NAF1: variants seen among roughly 807,000 people sequenced by gnomAD.
NAF1 encodes H/ACA ribonucleoprotein complex non-core subunit NAF1.
NAF1 carries 11 observed loss-of-function variants against 40.6 expected under a neutral mutation model. That is an observed-to-expected ratio of 0.27 (90% CI 0.17 to 0.45). The LOEUF (loss-of-function observed/expected upper bound fraction) is 0.45, where lower values mean the gene tolerates loss of function less well. Among genes scored for constraint, NAF1 ranks in the 20% least tolerant of loss-of-function variants. The probability of loss-of-function intolerance (pLI) is 1.00; values close to 1 mark genes in which losing one functional copy is unlikely to be tolerated. For missense variants in NAF1, 607 were observed against 611.1 expected (o/e 0.99, Z 0.07); for synonymous variants, 260 against 228.5 (o/e 1.14, Z -1.24).
intron 2 of NAF1, among the ~76,000 whole-genome samples, chr4:163,114,899 T>C (rs1270063050): frequency 6.6e-6 from 1 of 152,176 alleles, no homozygotes; most frequent in Non-Finnish European, 1.5e-5. Context: ...TTCTACTTAA[T>C]AGAGGACTAC....
chr4:163,153,044 C>A (rs1371992503), intron 2 of NAF1, among the ~76,000 whole-genome samples: 1 of 152,224 alleles, frequency 6.6e-6, no homozygotes, highest in Non-Finnish European at 1.5e-5. Context: ...CCCAGCAGCA[C>A]TGCGCTCGAT....
intron 4 of NAF1, 53 bp from the exon 5 acceptor site, chr4:163,140,436 A>T: frequency 6.8e-7 from 1 of 1,479,564 alleles, no homozygotes; most frequent in South Asian, 1.3e-5. Flanking sequence ...CTATTTGAAA[A>T]GTCAGCAGTG....
At chr4:163,163,717 TC>T (rs1341626217) in intron 2 of NAF1, among the ~76,000 whole-genome samples, 3 of 151,960 alleles carry the variant, frequency 2.0e-5, no homozygotes, top group Non-Finnish European at 2.9e-5. Flanking sequence ...ATAAAAACAC[TC>T]CAAAAACTTC....
chr4:163,146,293 GA>G (rs1731467329), intron 3 of NAF1, among the ~76,000 whole-genome samples: 1 of 152,132 alleles, frequency 6.6e-6, no homozygotes, highest in South Asian at 2.1e-4. Flanking sequence ...ACTGGTATAT[GA>G]AAAAGTTAAA....
downstream of NAF1, among the ~76,000 whole-genome samples, chr4:163,123,443 G>A (rs1730569083): frequency 6.6e-6 from 1 of 152,202 alleles, no homozygotes; most frequent in African/African-American, 2.4e-5. Flanking sequence ...TTACCATGGT[G>A]TGATCATAGC....
chr4:163,113,360 T>C (rs912985395), intron 2 of NAF1, among the ~76,000 whole-genome samples: 1 of 151,050 alleles, frequency 6.6e-6, no homozygotes, highest in Non-Finnish European at 1.5e-5. Context: ...CTAACATCTA[T>C]GGTAATCCCT....
At position 163,145,681 on chromosome 4, in the gene NAF1, T is replaced by C; in HGVS notation, c.717+101A>G. On this transcript the variant is annotated intron_variant, in intron 4 of 7. Coordinates refer to ENST00000274054, the MANE Select transcript of NAF1 (RefSeq NM_138386.3). ...AAATTAGAGAGCTCTAGATTGTCCA[T>C]CAATTAAAATAAATAAACTCTTCTG... The C allele has an allele frequency of 9.5e-6, 7 of 735,188 alleles. No homozygotes were observed. The South Asian group carries it at 1.0e-4, about 11-fold the overall frequency. The allele number at this position is 735,188 out of a possible 1,614,324, so 45.5% of individuals were successfully genotyped here.
intron 2 of NAF1, among the ~76,000 whole-genome samples, chr4:163,153,495 C>G (rs1044327748): frequency 6.7e-6 from 1 of 149,740 alleles, no homozygotes; most frequent in Non-Finnish European, 1.5e-5. Context: ...ATACACCAAT[C>G]GGCACTCTGT....
At chr4:163,125,974 G>T (rs1730642406), downstream of NAF1, among the ~76,000 whole-genome samples, 1 of 151,668 alleles carries the variant, frequency 6.6e-6, no homozygotes, top group African/African-American at 2.4e-5. Context: ...ACTATGCCTG[G>T]ATGACAGCAC....
downstream of NAF1, among the ~76,000 whole-genome samples, chr4:163,107,156 T>G (rs1315705857): frequency 6.6e-6 from 1 of 152,162 alleles, no homozygotes; most frequent in Non-Finnish European, 1.5e-5. Context: ...CTGGCTAATT[T>G]TTGTACTTTT....
chr4:163,155,482 T>C (rs1731950032), intron 2 of NAF1, among the ~76,000 whole-genome samples: 1 of 152,120 alleles, frequency 6.6e-6, no homozygotes, highest in African/African-American at 2.4e-5. Context: ...AGAAATCAGA[T>C]AATGAAAATA....
intron 7 of NAF1, among the ~76,000 whole-genome samples, chr4:163,131,641 G>A (rs1730878595): frequency 6.6e-6 from 1 of 152,028 alleles, no homozygotes; most frequent in Non-Finnish European, 1.5e-5. Context: ...AACTTTTAGG[G>A]AAAAAATAGA....
At chr4:163,106,259 T>A (rs2110778762), downstream of NAF1, among the ~76,000 whole-genome samples, 1 of 152,340 alleles carries the variant, frequency 6.6e-6, no homozygotes, top group Admixed American at 6.5e-5. Context: ...ACTAAGGAAT[T>A]TGATTTTGTA....
intron 2 of NAF1, among the ~76,000 whole-genome samples, chr4:163,154,821 A>T (rs527416956): frequency 7.7e-4 from 117 of 152,028 alleles, no homozygotes; most frequent in African/African-American, 2.7e-3. Flanking sequence ...CAGTGAGCAG[A>T]GATCGCACCA....
At position 163,133,914 on chromosome 4, in the gene NAF1, A is replaced by C. The variant is rs554086070; in HGVS notation, c.931-658T>G. ...TGCCTTAGCCTCCTGAGTAGCTGGG[A>C]TTACAGGCGCACGCCACCATGCCCA... On this transcript the variant is annotated intron_variant, in intron 6 of 7. Coordinates refer to ENST00000274054, the MANE Select transcript of NAF1 (RefSeq NM_138386.3). Among the ~76,000 whole-genome samples the C allele has an allele frequency of 1.4e-4, 21 of 152,256 alleles. No homozygotes were observed. In the East Asian group the frequency reaches 4.1e-3, roughly 29 times the overall value.
At chr4:163,146,995 C>T (rs961957222) in intron 3 of NAF1, among the ~76,000 whole-genome samples, 5 of 152,046 alleles carry the variant, frequency 3.3e-5, no homozygotes, top group South Asian at 2.1e-4. Context: ...TTTCTGTATA[C>T]ATCAAGTCTA....
Position 163,154,652 on chromosome 4 carries a change from C to T in NAF1, c.541-6218G>A, listed in dbSNP as rs562730762. ...CTTTGGGAGGCCAAGGCAGGCGGAT[C>T]CTGAGGTCAGGAGTCTGAGACCAGC... On this transcript the variant is annotated intron_variant, in intron 2 of 7. Coordinates refer to ENST00000274054, the MANE Select transcript of NAF1 (RefSeq NM_138386.3). Among the ~76,000 whole-genome samples the T allele has an allele frequency of 2.6e-5, 4 of 152,194 alleles. No individual in the cohort carries two copies. The South Asian group carries it at 8.3e-4, about 32-fold the overall frequency.
chr4:163,128,774 A>T lies in NAF1; in HGVS notation c.*123T>A. 1 of 1,273,466 alleles carries T rather than the reference A, an allele frequency of 7.9e-7. No individual in the cohort carries two copies. The highest frequency in any genetic ancestry group is 1.5e-5 in the African/African-American group (1 of 67,006). 78.9% of individuals were successfully genotyped at this position (1,273,466 alleles called of 1,614,324 possible). On this transcript the variant is annotated 3_prime_UTR_variant, in exon 8 of 8. Coordinates refer to ENST00000274054, the MANE Select transcript of NAF1 (RefSeq NM_138386.3). ...TTACAAATATATATCAACTTACAAC[A>T]GAAGGAATCATTTAGTATTTTACAG...
chr4:163,117,323 G>A (rs1250945901), intron 2 of NAF1: 1 of 151,880 alleles, frequency 6.6e-6, no homozygotes, highest in Non-Finnish European at 1.5e-5. Context: ...TTCTAATATT[G>A]CACTTAGGAT....
Sources: allele counts gnomAD v4.1 joint callset (sites outside exome capture counted in the v4.1 genomes callset), GRCh38; gene constraint gnomAD v4.1.1; transcripts MANE v1.5; gene names NCBI Gene and HGNC (gene_info 2026-07-23, HGNC 2026-07-21).